The following GLI3 variants were observed in gnomAD, a reference collection of about 807,000 sequenced individuals.
GLI3 encodes the protein GLI family zinc finger 3, also known as transcription activator GLI3.
Under a neutral mutation model 100.8 loss-of-function variants are expected in GLI3, and 20 were observed. The observed-to-expected ratio is 0.20, with a 90% confidence interval of 0.14 to 0.29. GLI3 has a LOEUF of 0.29. Among genes scored for constraint, GLI3 ranks in the 10% least tolerant of loss-of-function variants. GLI3 has a pLI of 1.00. For missense variants in GLI3, 2,040 were observed against 2,128.5 expected, an observed-to-expected ratio of 0.96 and a Z score of 0.82; for synonymous variants, 938 against 860.5, an observed-to-expected ratio of 1.09 and a Z score of -1.58.
chr7:42,104,065 T>G (rs1237413915), intron 3 of GLI3, among the ~76,000 whole-genome samples: 1 of 152,192 alleles, frequency 6.6e-6, no homozygotes, highest in Non-Finnish European at 1.5e-5. Flanking sequence ...GTGCTTTGTT[T>G]GGTGCCCTGT....
intron 2 of GLI3, among the ~76,000 whole-genome samples, chr7:42,202,327 C>A (rs1435473637): frequency 9.9e-5 from 3 of 30,396 alleles, no homozygotes; most frequent in Non-Finnish European, 2.7e-4. Flanking sequence ...CTGTCTCTCT[C>A]TCTCTCTCTC....
chr7:41,964,364 G>A lies in GLI3; in HGVS notation c.4709C>T (p.Ala1570Val), dbSNP rs41305933. The A allele has an allele frequency of 1.7e-5, 27 of 1,613,828 alleles. No individual in the cohort carries two copies. The highest frequency in any genetic ancestry group is 6.7e-5 in the Admixed American group (4 of 60,004). Residue 1570 changes from alanine (A) to valine (V), a missense_variant, in exon 15 of 15, where the codon GCG becomes GTG. Ala to Val is a moderately conservative substitution (Grantham distance 64). Coordinates refer to ENST00000395925, the MANE Select transcript of GLI3 (RefSeq NM_000168.6). ...AACTGCAAGGAATTTGCTTTCTTCC[G>A]CTAGGGAGGTCAGCAAAGAACTCAT... Reference protein sequence around the residue: ...GDMSSLLTSLAEESKFLAVMQ With the variant: ...GDMSSLLTSLVEESKFLAVMQ
Position 41,965,222 on chromosome 7 carries a change from G to T in GLI3, c.3851C>A (p.Thr1284Asn). 6.2e-7 allele frequency: 1 copy of T among 1,613,926 alleles called. No homozygotes were observed. Among genetic ancestry groups the T allele is most frequent in the Non-Finnish European group, 8.5e-7 (1 of 1,180,006 alleles). The change falls in exon 15 of 15, where the codon ACC becomes AAC. Residue 1284 changes from threonine (T) to asparagine (N), a missense_variant. Transcript: ENST00000395925. ...CTGGCCCCCGCTCCCTTGCATGGGG[G>T]TGCTCTTCAGCTTTGAGGCTTGAAT... ...AGIQASKLKS[T>N]PMQGSGGQLN...
At chr7:42,177,602 G>C (rs1303759208) in intron 2 of GLI3, among the ~76,000 whole-genome samples, 29 of 152,122 alleles carry the variant, frequency 1.9e-4, no homozygotes. Context: ...AAAACATGTA[G>C]ATATTCAAAA....
At position 42,040,013 on chromosome 7, in the gene GLI3, A is replaced by G. The variant is rs374593835; in HGVS notation, c.1028+25T>C. ...TGCTGACATTACATTTAAAAAACAC[A>G]TAATGGATTCAGGAAAATACATACC... On this transcript the variant is annotated intron_variant, in intron 7 of 14. Transcript: ENST00000395925. The G allele has an allele frequency of 2.1e-5, 32 of 1,560,200 alleles. No homozygotes were observed. The African/African-American group carries it at 3.8e-4, about 18-fold the overall frequency.
intron 2 of GLI3, among the ~76,000 whole-genome samples, chr7:42,187,210 C>CAA (rs5883817): frequency 0.16 from 18,919 of 116,620 alleles, 1,615 homozygotes; most frequent in Non-Finnish European, 0.24. Context: ...GACCCTGTCT[C>CAA]AAAAAAAAAA....
At chr7:42,106,887 G>A (rs2128764521) in intron 3 of GLI3, among the ~76,000 whole-genome samples, 1 of 152,006 alleles carries the variant, frequency 6.6e-6, no homozygotes, top group East Asian at 1.9e-4. Flanking sequence ...GTTGGTATCT[G>A]CCCCACAGTA....
Position 41,965,240 on chromosome 7 carries a change from G to A in GLI3, c.3833C>T (p.Ala1278Val). The change falls in exon 15 of 15, where the codon GCC (alanine) becomes GTC (valine). Residue 1278 changes from alanine to valine, a missense_variant. By Grantham distance (64) the Ala-to-Val change is moderately conservative. This residue lies in a region of GLI3 where 1,041 missense variants were observed against 924.0 expected (regional missense o/e 1.13). Coordinates refer to ENST00000395925, the MANE Select transcript of GLI3 (RefSeq NM_000168.6). ...CATGGGGGTGCTCTTCAGCTTTGAG[G>A]CTTGAATCCCGGCACCACAGGCACC... is the stretch of plus-strand genomic sequence containing the variant. ...LDGACGAGIQASKLKSTPMQG... is the reference protein window; with the variant it reads ...LDGACGAGIQVSKLKSTPMQG... The A allele has an allele frequency of 6.2e-7, 1 of 1,613,830 alleles. No individual in the cohort carries two copies. The highest frequency in any genetic ancestry group is 8.5e-7 in the Non-Finnish European group (1 of 1,179,898).
intron 5 of GLI3, among the ~76,000 whole-genome samples, 184 bp downstream of exon 5, chr7:42,048,304 GATA>G: frequency 6.6e-6 from 1 of 152,240 alleles, no homozygotes; most frequent in East Asian, 1.9e-4. Context: ...TGAAAATGGA[GATA>G]ATAACACCAC....
At chr7:42,093,306 G>A (rs1214943780) in intron 3 of GLI3, among the ~76,000 whole-genome samples, 4 of 151,456 alleles carry the variant, frequency 2.6e-5, no homozygotes, top group East Asian at 2.0e-4. Flanking sequence ...TTGAACCCGG[G>A]AGGCGGCGGT....
intron 4 of GLI3, 85 bp downstream of exon 4, chr7:42,076,667 G>A (rs1250057209): frequency 1.2e-6 from 1 of 840,326 alleles, no homozygotes; most frequent in Non-Finnish European, 2.1e-6. Flanking sequence ...AAAGCCCAGT[G>A]GACATGCCAT....
At chr7:41,973,541 C>T (rs967016262) in intron 12 of GLI3, among the ~76,000 whole-genome samples, 4 of 152,176 alleles carry the variant, frequency 2.6e-5, no homozygotes, top group Non-Finnish European at 5.9e-5. Flanking sequence ...TGACCAACAT[C>T]GGATTTGTGA....
At chr7:42,206,319 G>T (rs1449509702) in intron 2 of GLI3, among the ~76,000 whole-genome samples, 1 of 151,446 alleles carries the variant, frequency 6.6e-6, no homozygotes, top group South Asian at 2.1e-4. Context: ...ATTCTAAAGG[G>T]ATACTTTTAA....
intron 4 of GLI3, among the ~76,000 whole-genome samples, chr7:42,056,842 C>T (rs1023809076): frequency 7.2e-6 from 1 of 138,422 alleles, no homozygotes; most frequent in Admixed American, 7.0e-5. Context: ...ATTAGCCGGG[C>T]ATGGTGGTGT....
intron 7 of GLI3, among the ~76,000 whole-genome samples, chr7:42,037,147 A>C (rs71538645): frequency 1.3e-5 from 2 of 152,040 alleles, no homozygotes; most frequent in Non-Finnish European, 2.9e-5. Flanking sequence ...TCTCAAAAAA[A>C]AATAATAATA....
chr7:41,972,412 C>T lies in GLI3; in HGVS notation c.2028G>A (p.Gln676=). The change falls in exon 13 of 15, where the codon CAG becomes CAA. Residue 676 remains glutamine (Q), a synonymous_variant. Transcript: ENST00000395925. This position sits in a 1 kb window ranked among gnomAD's most constrained non-coding sequence, Gnocchi z 4.4. ...GRPTQGALGE[Q]QDLSNTTSKR... ...TTGAGGTAGTGTTGCTGAGGTCCTG[C>T]TGCTCACCAAGGGCTCCCTGAGTCG... 1 of 1,613,898 alleles carries T rather than the reference C, an allele frequency of 6.2e-7. No homozygotes were observed. The highest frequency in any genetic ancestry group is 8.5e-7 in the Non-Finnish European group (1 of 1,179,962).
chr7:42,165,489 TG>T (rs1206939095), intron 2 of GLI3, among the ~76,000 whole-genome samples: 1 of 152,238 alleles, frequency 6.6e-6, no homozygotes, highest in Non-Finnish European at 1.5e-5. Flanking sequence ...TTTTTCCACA[TG>T]GACACTTAAA....
At position 42,132,144 on chromosome 7, in the gene GLI3, A is replaced by G. The variant is rs546920721; in HGVS notation, c.367+16082T>C. Among the ~76,000 whole-genome samples, 38 of 152,040 alleles carry G rather than the reference A, an allele frequency of 2.5e-4. No homozygotes were observed. In the East Asian group the frequency reaches 5.0e-3, roughly 20 times the overall value. ...GAGATGGAGGCTCGCTCTGTCGCCC[A>G]GGCTGGAGTGCAGTGGTTCAATCTC... is the stretch of plus-strand genomic sequence containing the variant. On this transcript the variant is annotated intron_variant, in intron 3 of 14. Transcript: ENST00000395925.
Position 41,972,305 on chromosome 7 carries a change from C to G in GLI3, c.2103+32G>C. The G allele has an allele frequency of 6.2e-7, 1 of 1,603,926 alleles. No homozygotes were observed. The highest frequency in any genetic ancestry group is 1.3e-5 in the African/African-American group (1 of 74,878). On this transcript the variant is annotated intron_variant, in intron 13 of 14. Transcript: ENST00000395925. The surrounding 1 kb of genome is among the most constrained non-coding windows in gnomAD (Gnocchi z 4.4). ...TACCTGGCTCTTTTAAATGGGCCTG[C>G]TGTGAAGTCAGAAGGAGAGTGAATG...
Sources: allele counts gnomAD v4.1 joint callset (sites outside exome capture counted in the v4.1 genomes callset), GRCh38; gene constraint gnomAD v4.1.1; regional missense constraint gnomAD v4.1.1; non-coding constraint Gnocchi (gnomAD v3.1); transcripts MANE v1.5; gene names NCBI Gene and HGNC (gene_info 2026-07-23, HGNC 2026-07-21).